KIAA0040: variants seen among roughly 807,000 people sequenced by gnomAD.
The protein encoded by KIAA0040 is uncharacterized protein KIAA0040.
A neutral mutation model predicts 7.2 loss-of-function variants in KIAA0040; 10 were observed. The ratio of observed to expected loss-of-function variants is 1.38; its 90% CI spans 0.85 to 2.34. The LOEUF (loss-of-function observed/expected upper bound fraction) is 2.34. KIAA0040 is among the 30% of genes most tolerant of loss of function. The probability of loss-of-function intolerance (pLI) is 0.00; values close to 1 mark genes in which losing one functional copy is unlikely to be tolerated. For synonymous variants in KIAA0040, 49 were observed against 40.1 expected, an observed-to-expected ratio of 1.22 and a Z score of -0.84; for missense variants, 89 against 108.2, an observed-to-expected ratio of 0.82 and a Z score of 0.79.
chr1:175,182,787 AC>A (rs2101904726), intron 1 of KIAA0040, among the ~76,000 whole-genome samples: 1 of 152,342 alleles, frequency 6.6e-6, no homozygotes, highest in Non-Finnish European at 1.5e-5. Flanking sequence ...TATTGTGGGA[AC>A]CAGATGAGTT....
chr1:175,167,480 G>A (rs1330391647), intron 2 of KIAA0040, among the ~76,000 whole-genome samples: 1 of 152,198 alleles, frequency 6.6e-6, no homozygotes, highest in Non-Finnish European at 1.5e-5. Context: ...GTGGTGGGGT[G>A]AGGGTGGATG....
intron 1 of KIAA0040, among the ~76,000 whole-genome samples, chr1:175,188,052 C>T (rs1677730740): frequency 6.6e-6 from 1 of 152,146 alleles, no homozygotes; most frequent in Non-Finnish European, 1.5e-5. Context: ...CTTCTAAATA[C>T]AATCATCTCT....
At chr1:175,173,016 T>C (rs1378504417) in intron 2 of KIAA0040, among the ~76,000 whole-genome samples, 2 of 152,222 alleles carry the variant, frequency 1.3e-5, no homozygotes, top group Non-Finnish European at 2.9e-5. Context: ...TTTCACTGAA[T>C]TGGTGTAGAA....
intron 1 of KIAA0040, among the ~76,000 whole-genome samples, chr1:175,192,003 A>C (rs1427601848): frequency 6.6e-6 from 1 of 152,184 alleles, no homozygotes; most frequent in African/African-American, 2.4e-5. Flanking sequence ...CATATGATGA[A>C]TCCCGTAAAG....
chr1:175,189,624 G>A (rs1677794297), intron 1 of KIAA0040, among the ~76,000 whole-genome samples: 1 of 152,176 alleles, frequency 6.6e-6, no homozygotes, highest in African/African-American at 2.4e-5. Flanking sequence ...CTGCAAGTCT[G>A]GGCTGAAGAT....
chr1:175,165,502 A>G (rs1357326229), intron 3 of KIAA0040, among the ~76,000 whole-genome samples: 1 of 152,140 alleles, frequency 6.6e-6, no homozygotes, highest in Non-Finnish European at 1.5e-5. Context: ...CCAAAGAACC[A>G]TGGGTCCCCA....
In KIAA0040 at chr1:175,157,586, G is replaced by C. The variant is rs943666381; in HGVS notation, c.*3128C>G. On this transcript the variant is annotated 3_prime_UTR_variant, in exon 4 of 4. Coordinates refer to ENST00000423313, the MANE Select transcript of KIAA0040 (RefSeq NM_014656.3). ...ATAAATTTTTCTTTTGTGTGTGTTTGAATTTTACAGAAAAAAATACTGACA... is the reference window on the plus strand; with the variant it reads ...ATAAATTTTTCTTTTGTGTGTGTTTCAATTTTACAGAAAAAAATACTGACA... 6.6e-6 allele frequency: 1 copy of C among 151,996 alleles called. No homozygotes were observed. The highest frequency in any genetic ancestry group is 1.5e-5 in the Non-Finnish European group (1 of 68,004). The allele number at this position is 151,996 out of a possible 1,614,324, so 9.4% of individuals were successfully genotyped here.
chr1:175,178,978 G>A (rs550234485), intron 1 of KIAA0040, among the ~76,000 whole-genome samples: 31 of 149,122 alleles, frequency 2.1e-4, no homozygotes, highest in Non-Finnish European at 4.0e-4. Flanking sequence ...GGCGGGGGGG[G>A]GGATATCATG....
chr1:175,176,095 T>C (rs1424437819), intron 2 of KIAA0040, among the ~76,000 whole-genome samples: 2 of 152,230 alleles, frequency 1.3e-5, no homozygotes, highest in East Asian at 3.8e-4. Flanking sequence ...TTAAGAGTTC[T>C]GCAAACTTTG....
At chr1:175,172,584 CAA>C (rs1378987357) in intron 2 of KIAA0040, among the ~76,000 whole-genome samples, 1 of 152,122 alleles carries the variant, frequency 6.6e-6, no homozygotes, top group Non-Finnish European at 1.5e-5. Context: ...AAATAAAAAA[CAA>C]ACAAAAAAAC....
At chr1:175,171,083 C>A (rs1045935674) in intron 2 of KIAA0040, among the ~76,000 whole-genome samples, 1 of 152,194 alleles carries the variant, frequency 6.6e-6, no homozygotes. Flanking sequence ...CAGATCTTGG[C>A]GTGATTGCTT....
chr1:175,174,037 C>CCCA (rs1677085882), intron 2 of KIAA0040, among the ~76,000 whole-genome samples: 1 of 87,292 alleles, frequency 1.1e-5, no homozygotes. Context: ...CGACCCCACA[C>CCCA]CCCAGTCCCC....
chr1:175,170,112 C>T (rs909150366), intron 2 of KIAA0040, among the ~76,000 whole-genome samples: 7 of 152,208 alleles, frequency 4.6e-5, no homozygotes, highest in Admixed American at 2.0e-4. Flanking sequence ...AAGGACCAAG[C>T]GTGCACAGCG....
rs1676521229 is a variant in KIAA0040 at position 175,161,021 on chromosome 1, G to A, written c.-8C>T. On this transcript the variant is annotated 5_prime_UTR_variant, in exon 4 of 4. Coordinates refer to ENST00000423313, the MANE Select transcript of KIAA0040 (RefSeq NM_014656.3). ...GGCACTGATTCTCTCCATGGTGCTTGGCTAGATTAGGGCCAGAGAACCCTC... is the reference window on the plus strand; with the variant it reads ...GGCACTGATTCTCTCCATGGTGCTTAGCTAGATTAGGGCCAGAGAACCCTC... 4 of 1,546,010 alleles carry A rather than the reference G, an allele frequency of 2.6e-6. No individual in the cohort carries two copies. The highest frequency in any genetic ancestry group is 3.5e-6 in the Non-Finnish European group (4 of 1,144,202).
chr1:175,179,456 T>C (rs192783376), intron 1 of KIAA0040, among the ~76,000 whole-genome samples: 106 of 152,258 alleles, frequency 7.0e-4, no homozygotes, highest in Non-Finnish European at 2.1e-4. Context: ...ATACCACAAT[T>C]AAAAAAACTT....
At chr1:175,167,731 G>A (rs905376797) in intron 2 of KIAA0040, among the ~76,000 whole-genome samples, 69 of 152,234 alleles carry the variant, frequency 4.5e-4, no homozygotes, top group African/African-American at 1.6e-3. Context: ...CGGAAAGGGC[G>A]GGATGATGGC....
chr1:175,192,807 C>T (rs952104346), upstream of KIAA0040: 1 of 134,800 alleles, frequency 7.4e-6, no homozygotes, highest in Non-Finnish European at 1.7e-5. Context: ...CGGCCAAGGT[C>T]GTGGGAGCCG....
chr1:175,171,547 G>A (rs1277751058), intron 2 of KIAA0040, among the ~76,000 whole-genome samples: 1 of 152,226 alleles, frequency 6.6e-6, no homozygotes, highest in Non-Finnish European at 1.5e-5. Context: ...CAGTCACACT[G>A]TGGCTGGACT....
At chr1:175,181,580 C>G (rs1284326476) in intron 1 of KIAA0040, among the ~76,000 whole-genome samples, 5 of 152,150 alleles carry the variant, frequency 3.3e-5, no homozygotes, top group Non-Finnish European at 5.9e-5. Flanking sequence ...TTGATAGACA[C>G]TTTAGGAATA....
Sources: gnomAD v4.1 joint callset for allele counts (sites outside exome capture counted in the v4.1 genomes callset) on GRCh38, gnomAD v4.1.1 for gene constraint, MANE v1.5 for transcripts, NCBI Gene and HGNC (gene_info 2026-07-23, HGNC 2026-07-21) for gene names.